MARCHF1: variants seen among roughly 807,000 people sequenced by gnomAD.
MARCHF1 encodes E3 ubiquitin-protein ligase MARCHF1.
MARCHF1 carries 40 observed loss-of-function variants against 54.2 expected under a neutral mutation model. The ratio of observed to expected loss-of-function variants is 0.74; its 90% CI spans 0.57 to 0.96. The LOEUF (loss-of-function observed/expected upper bound fraction) is 0.96, where lower values mean the gene tolerates loss of function less well. Ranked by LOEUF, MARCHF1 falls within the 40% of genes least tolerant of loss-of-function variation. MARCHF1 has a pLI of 0.00. For synonymous variants in MARCHF1, 236 were observed against 236.3 expected, an observed-to-expected ratio of 1.00 and a Z score of 0.01; for missense variants, 586 against 656.5, an observed-to-expected ratio of 0.89 and a Z score of 1.17.
At chr4:163,855,559 A>T (rs74645617) in intron 3 of MARCHF1, among the ~76,000 whole-genome samples, 2,938 of 152,294 alleles carry the variant, frequency 0.019, 84 homozygotes, top group East Asian at 0.074. Context: ...GAAAATGAGG[A>T]TCTTTATTCA....
chr4:163,569,371 G>T (rs1216760918), intron 8 of MARCHF1, among the ~76,000 whole-genome samples: 1 of 151,858 alleles, frequency 6.6e-6, no homozygotes, highest in Non-Finnish European at 1.5e-5. Flanking sequence ...GAAGTGGGAG[G>T]GGGGATTAAA....
chr4:163,960,663 G>A (rs1181509475), intron 3 of MARCHF1, among the ~76,000 whole-genome samples: 2 of 151,860 alleles, frequency 1.3e-5, no homozygotes, highest in African/African-American at 4.8e-5. Context: ...TGAGTGTGGA[G>A]GGTGGGAGGA....
chr4:164,289,210 T>C (rs1734225359), intron 1 of MARCHF1, among the ~76,000 whole-genome samples: 1 of 152,002 alleles, frequency 6.6e-6, no homozygotes, highest in East Asian at 1.9e-4. Context: ...TCTTATGTAT[T>C]AGAGTCTAAT....
chr4:164,368,596 TC>T (rs1334856246), intron 1 of MARCHF1, among the ~76,000 whole-genome samples: 1 of 151,944 alleles, frequency 6.6e-6, no homozygotes, highest in Non-Finnish European at 1.5e-5. Context: ...GCTACAACAA[TC>T]CTAAAAAATA....
At chr4:163,917,639 C>A (rs1190481785) in intron 3 of MARCHF1, among the ~76,000 whole-genome samples, 1 of 151,880 alleles carries the variant, frequency 6.6e-6, no homozygotes, top group African/African-American at 2.4e-5. Flanking sequence ...CTTTTAAGTT[C>A]CAGGGTACAT....
At chr4:163,979,777 G>C (rs1350858895) in intron 3 of MARCHF1, among the ~76,000 whole-genome samples, 2 of 152,142 alleles carry the variant, frequency 1.3e-5, no homozygotes, top group Non-Finnish European at 1.5e-5. Context: ...GGCCAGTGAT[G>C]ATGAGCATTT....
At chr4:163,909,313 G>A (rs569472448) in intron 3 of MARCHF1, among the ~76,000 whole-genome samples, 6 of 152,250 alleles carry the variant, frequency 3.9e-5, no homozygotes, top group African/African-American at 4.8e-5. Context: ...CCAGGATTCC[G>A]ATTTCAGAAG....
At chr4:164,093,508 C>G (rs1755347028) in intron 2 of MARCHF1, among the ~76,000 whole-genome samples, 1 of 152,162 alleles carries the variant, frequency 6.6e-6, no homozygotes, top group African/African-American at 2.4e-5. Flanking sequence ...CCTCCATTCT[C>G]ACTCTTCTGT....
At chr4:164,176,074 TAAAG>T (rs1730655230) in intron 1 of MARCHF1, among the ~76,000 whole-genome samples, 1 of 152,100 alleles carries the variant, frequency 6.6e-6, no homozygotes, top group South Asian at 2.1e-4. Context: ...TGATAAGAAA[TAAAG>T]AAATAAACTC....
At position 164,225,703 on chromosome 4, in the gene MARCHF1, C is replaced by T. The variant is rs946779163; in HGVS notation, c.-322-114041G>A. 1.4e-4 allele frequency among the ~76,000 whole-genome samples: 21 copies of T among 151,776 alleles called. No individual in the cohort carries two copies. In the South Asian group the frequency reaches 1.9e-3, roughly 14 times the overall value. ...CTGACAAACGAAGTGCTAATGAGAA[C>T]GTGAAATACCTGAAACTCTCATATA... On this transcript the variant is annotated intron_variant, in intron 1 of 9. Coordinates refer to ENST00000514618, the MANE Select transcript of MARCHF1 (RefSeq NM_001394959.1).
intron 4 of MARCHF1, among the ~76,000 whole-genome samples, chr4:163,803,422 C>T (rs550097262): frequency 6.7e-6 from 1 of 149,186 alleles, no homozygotes; most frequent in South Asian, 2.1e-4. Context: ...ATCCGCCCAC[C>T]GGGGCCTCCC....
At chr4:163,532,202 C>T (rs563381280) in intron 9 of MARCHF1, among the ~76,000 whole-genome samples, 150 of 151,852 alleles carry the variant, frequency 9.9e-4, no homozygotes, top group Non-Finnish European at 1.5e-3. Flanking sequence ...ACTACCACTA[C>T]GGTGATCAAG....
chr4:164,349,684 T>C (rs781397408), intron 1 of MARCHF1, among the ~76,000 whole-genome samples: 7 of 152,220 alleles, frequency 4.6e-5, no homozygotes, highest in Non-Finnish European at 1.0e-4. Flanking sequence ...AAAATCACTA[T>C]ACTTACAAGG....
intron 2 of MARCHF1, among the ~76,000 whole-genome samples, chr4:164,007,947 C>T (rs114233177): frequency 0.013 from 1,924 of 152,024 alleles, 43 homozygotes; most frequent in African/African-American, 0.044. Flanking sequence ...GGTAACAAAA[C>T]GGCAGGAGTA....
Position 163,805,370 on chromosome 4 carries a change from TA to T in MARCHF1, c.111+48650del, listed in dbSNP as rs5863630. Among the ~76,000 whole-genome samples the T allele has an allele frequency of 3.4e-3, 499 of 148,658 alleles. 3 individuals are homozygous for T. Among genetic ancestry groups the T allele is most frequent in the African/African-American group, 0.011 (460 of 40,578 alleles). On this transcript the variant is annotated intron_variant, in intron 4 of 9. Coordinates refer to ENST00000514618, the MANE Select transcript of MARCHF1 (RefSeq NM_001394959.1). ...AAGAAATAAAATATTTCACTGTCTC[TA>T]AAAAAAAAACATTCAACAAGTTTAT...
intron 2 of MARCHF1, among the ~76,000 whole-genome samples, chr4:164,052,734 T>G (rs1754400762): frequency 6.6e-6 from 1 of 152,164 alleles, no homozygotes; most frequent in South Asian, 2.1e-4. Flanking sequence ...ATTCACCAGC[T>G]GTCTCATAAA....
At chr4:164,224,702 G>A (rs1732203062) in intron 1 of MARCHF1, among the ~76,000 whole-genome samples, 1 of 151,966 alleles carries the variant, frequency 6.6e-6, no homozygotes. Flanking sequence ...TATGTAGAAT[G>A]CTAGAATAAA....
In MARCHF1 at chr4:163,841,448, T is replaced by C. The variant is rs372853658; in HGVS notation, c.111+12573A>G. Among the ~76,000 whole-genome samples the C allele has an allele frequency of 3.2e-3, 130 of 40,968 alleles. 2 individuals are homozygous for C. In the South Asian group the frequency reaches 0.14, roughly 44 times the overall value. 26.9% of individuals were successfully genotyped at this position (40,968 alleles called of 152,430 possible). On this transcript the variant is annotated intron_variant, in intron 4 of 9. Transcript: ENST00000514618. ...AAATTGCTATATAAAATAGAGTCTA[T>C]TTTTTTTAAAAAAAGAATACGAGCC...
chr4:164,094,637 T>C (rs1755370361), intron 2 of MARCHF1, among the ~76,000 whole-genome samples: 1 of 152,086 alleles, frequency 6.6e-6, no homozygotes, highest in Non-Finnish European at 1.5e-5. Context: ...TATAAAAACC[T>C]GACAAATATT....
Sources: gnomAD v4.1 joint callset for allele counts (sites outside exome capture counted in the v4.1 genomes callset) on GRCh38, gnomAD v4.1.1 for gene constraint, MANE v1.5 for transcripts, NCBI Gene and HGNC (gene_info 2026-07-23, HGNC 2026-07-21) for gene names.